SAMD12: variants seen among roughly 807,000 people sequenced by gnomAD.
The protein encoded by SAMD12 is sterile alpha motif domain containing 12.
SAMD12 carries 9 observed loss-of-function variants against 15.0 expected under a neutral mutation model. The observed-to-expected ratio is 0.60, with a 90% CI of 0.36 to 1.05. The LOEUF (loss-of-function observed/expected upper bound fraction) is 1.05. Ranked by LOEUF, SAMD12 falls within the 50% of genes least tolerant of loss-of-function variation. The probability of loss-of-function intolerance (pLI) is 0.01; values close to 1 mark genes in which losing one functional copy is unlikely to be tolerated. For synonymous variants in SAMD12, 86 were observed against 90.1 expected (o/e 0.96, Z 0.25); for missense variants, 230 against 234.2 (o/e 0.98, Z 0.12).
At chr8:118,393,083 C>T (rs1278304813) in intron 3 of SAMD12, among the ~76,000 whole-genome samples, 3 of 152,182 alleles carry the variant, frequency 2.0e-5, no homozygotes, top group East Asian at 1.9e-4. Flanking sequence ...ATATGTCAGG[C>T]TCTTTTCTAC....
At chr8:118,394,087 C>G (rs909280373) in intron 3 of SAMD12, among the ~76,000 whole-genome samples, 1 of 152,196 alleles carries the variant, frequency 6.6e-6, no homozygotes, top group Admixed American at 6.5e-5. Context: ...TGCTTCAGTG[C>G]TGAAGAGACA....
At chr8:118,286,749 G>C (rs1814048605) in intron 4 of SAMD12, among the ~76,000 whole-genome samples, 1 of 152,204 alleles carries the variant, frequency 6.6e-6, no homozygotes, top group East Asian at 1.9e-4. Flanking sequence ...AGTAGGACAA[G>C]GTAGATTCCA....
intron 4 of SAMD12, among the ~76,000 whole-genome samples, chr8:118,251,522 C>A (rs1011396167): frequency 3.3e-5 from 5 of 152,102 alleles, no homozygotes; most frequent in East Asian, 1.9e-4. Context: ...GCACTGTAAA[C>A]CTTTTGCTTT....
At chr8:118,563,549 T>C (rs539009131) in intron 2 of SAMD12, among the ~76,000 whole-genome samples, 4 of 152,222 alleles carry the variant, frequency 2.6e-5, no homozygotes, top group Admixed American at 6.5e-5. Context: ...CTTCCCTGAG[T>C]GAAAAAAATA....
intron 4 of SAMD12, among the ~76,000 whole-genome samples, chr8:118,269,380 G>C (rs1813290990): frequency 6.6e-6 from 1 of 151,908 alleles, no homozygotes; most frequent in Non-Finnish European, 1.5e-5. Context: ...TTTATCAACA[G>C]CTATTTATAA....
chr8:118,361,411 G>T (rs749842404), intron 4 of SAMD12, among the ~76,000 whole-genome samples: 3 of 152,172 alleles, frequency 2.0e-5, no homozygotes, highest in Non-Finnish European at 2.9e-5. Flanking sequence ...GCTGTTCAAT[G>T]AGTGAATGAA....
intron 4 of SAMD12, among the ~76,000 whole-genome samples, chr8:118,335,418 G>T (rs532752208): frequency 1.3e-5 from 2 of 152,268 alleles, no homozygotes; most frequent in Admixed American, 1.3e-4. Context: ...CTATTTAGGG[G>T]ACTTGACATA....
intron 1 of SAMD12, among the ~76,000 whole-genome samples, chr8:118,586,105 T>C (rs1419048591): frequency 1.3e-5 from 2 of 152,190 alleles, no homozygotes; most frequent in Non-Finnish European, 2.9e-5. Context: ...CAGAATGAGC[T>C]GGCTCCCCAA....
chr8:118,598,476 C>G (rs948786997), intron 1 of SAMD12, among the ~76,000 whole-genome samples: 1 of 152,218 alleles, frequency 6.6e-6, no homozygotes, highest in Admixed American at 6.5e-5. Flanking sequence ...CTTCCAGCCT[C>G]CAGAAGTGTG....
chr8:118,147,939 G>A, the SAMD12 span, among the ~76,000 whole-genome samples: 1 of 151,078 alleles, frequency 6.6e-6, no homozygotes, highest in African/African-American at 2.4e-5. Context: ...GGTAGAGATA[G>A]AGCCTTTTTT....
intron 1 of SAMD12, among the ~76,000 whole-genome samples, chr8:118,585,825 A>G (rs1170833479): frequency 6.6e-6 from 1 of 152,146 alleles, no homozygotes; most frequent in Non-Finnish European, 1.5e-5. Flanking sequence ...GGTGACAGTA[A>G]CAGGCTACCT....
Position 118,551,987 on chromosome 8 carries a change from A to T in SAMD12, c.192+28728T>A, listed in dbSNP as rs553390346. Among the ~76,000 whole-genome samples the T allele has an allele frequency of 4.5e-4, 68 of 151,210 alleles. 3 individuals carry two copies. In the East Asian group the frequency reaches 0.011, roughly 25 times the overall value. On this transcript the variant is annotated intron_variant, in intron 2 of 3. Coordinates refer to ENST00000314727, the MANE Select transcript of SAMD12 (RefSeq NM_207506.3). Reference sequence around the variant, plus strand: ...CCAAGACTAAACCAGGAAGAAGTTGAATCTCTGAATAGACCAATAACAGGA... The same window carrying T: ...CCAAGACTAAACCAGGAAGAAGTTGTATCTCTGAATAGACCAATAACAGGA...
intron 4 of SAMD12, among the ~76,000 whole-genome samples, chr8:118,267,701 T>TTGTGTGTGTG (rs10671962): frequency 1.3e-4 from 19 of 147,612 alleles, no homozygotes; most frequent in South Asian, 8.8e-4. Context: ...TTCCCATCTG[T>TTGTGTGTGTG]TGTGTGTGTG....
At chr8:118,200,397 G>C in intron 4 of SAMD12, among the ~76,000 whole-genome samples, 1 of 66,030 alleles carries the variant, frequency 1.5e-5, no homozygotes, top group African/African-American at 6.3e-5. Flanking sequence ...GGCCCTATTA[G>C]AGTACCAAAA....
At chr8:118,300,948 C>T (rs28398472) in intron 4 of SAMD12, among the ~76,000 whole-genome samples, 3,573 of 152,280 alleles carry the variant, frequency 0.023, 113 homozygotes, top group African/African-American at 0.076. Context: ...AAAGTGCATG[C>T]ATTTTTGAGC....
At chr8:118,532,133 G>A (rs533479984) in intron 2 of SAMD12, among the ~76,000 whole-genome samples, 23 of 151,022 alleles carry the variant, frequency 1.5e-4, no homozygotes, top group Admixed American at 4.6e-4. Context: ...AGTTTTTAGC[G>A]TGACTTTTGT....
At chr8:118,132,970 GTGTATATATATATATATATATATATA>G in the SAMD12 span, among the ~76,000 whole-genome samples, 56 of 67,536 alleles carry the variant, frequency 8.3e-4, 1 homozygote, top group Admixed American at 1.8e-3. Flanking sequence ...ATGTGTGTGT[GTGTATATATATATATATATATATATA>G]TATATATATA....
intron 4 of SAMD12, among the ~76,000 whole-genome samples, chr8:118,236,813 A>C (rs1274869861): frequency 6.6e-6 from 1 of 152,228 alleles, no homozygotes; most frequent in Non-Finnish European, 1.5e-5. Context: ...GGATGAAAAC[A>C]GAAACAACAG....
chr8:118,255,080 C>A (rs952967026), intron 4 of SAMD12, among the ~76,000 whole-genome samples: 5 of 152,026 alleles, frequency 3.3e-5, no homozygotes, highest in African/African-American at 1.2e-4. Flanking sequence ...GAATCACTTT[C>A]AAATCCATAG....
Sources: gnomAD v4.1 joint callset for allele counts (sites outside exome capture counted in the v4.1 genomes callset) on GRCh38, gnomAD v4.1.1 for gene constraint, MANE v1.5 for transcripts, NCBI Gene and HGNC (gene_info 2026-07-23, HGNC 2026-07-21) for gene names.